Variants in ASTN2 observed in about 807,000 individuals in gnomAD.
ASTN2 encodes astrotactin-2.
Under a neutral mutation model 139.8 loss-of-function variants are expected in ASTN2, and 54 were observed. The observed-to-expected ratio is 0.39, with a 90% confidence interval of 0.31 to 0.48. The LOEUF (loss-of-function observed/expected upper bound fraction) is 0.48, where lower values mean the gene tolerates loss of function less well. Among genes scored for constraint, ASTN2 ranks in the 20% least tolerant of loss-of-function variants. ASTN2 has a pLI of 0.95. For synonymous variants in ASTN2, 756 were observed against 719.5 expected, an observed-to-expected ratio of 1.05 and a Z score of -0.81; for missense variants, 1,565 against 1,725.1, an observed-to-expected ratio of 0.91 and a Z score of 1.64.
At chr9:116,555,319 C>G (rs1184296998) in intron 19 of ASTN2, among the ~76,000 whole-genome samples, 1 of 152,186 alleles carries the variant, frequency 6.6e-6, no homozygotes, top group Non-Finnish European at 1.5e-5. Flanking sequence ...ACAAGGCCAG[C>G]TGCACAGGCT....
chr9:116,803,522 A>T (rs10817937), intron 13 of ASTN2, among the ~76,000 whole-genome samples: 1,776 of 20,290 alleles, frequency 0.088, 58 homozygotes, highest in Middle Eastern at 0.13. Flanking sequence ...ATATATATAT[A>T]TTTTTTTTTT....
At chr9:116,948,785 G>GTTTTTTTTTTTGTTTTTTTTTTTTTTTTT (rs1835471236) in intron 10 of ASTN2, among the ~76,000 whole-genome samples, 2 of 49,470 alleles carry the variant, frequency 4.0e-5, no homozygotes, top group African/African-American at 8.6e-5. Flanking sequence ...ATAATTTGGT[G>GTTTTTTTTTTTGTTTTTTTTTTTTTTTTT]TTTTTTTTTT....
chr9:117,386,003 G>A (rs1830389011), intron 1 of ASTN2, among the ~76,000 whole-genome samples: 1 of 152,138 alleles, frequency 6.6e-6, no homozygotes, highest in Non-Finnish European at 1.5e-5. Context: ...TACCTTGCCA[G>A]GAAGGCCCAG....
At chr9:117,393,063 T>C (rs993542816) in intron 1 of ASTN2, among the ~76,000 whole-genome samples, 1 of 152,228 alleles carries the variant, frequency 6.6e-6, no homozygotes, top group African/African-American at 2.4e-5. Context: ...GTCAGGAATG[T>C]GGAGGTTCTG....
intron 16 of ASTN2, among the ~76,000 whole-genome samples, chr9:116,654,953 C>G (rs1194927689): frequency 1.3e-5 from 2 of 152,174 alleles, no homozygotes; most frequent in African/African-American, 2.4e-5. Context: ...AAATCTTCAG[C>G]TTTTTAAATC....
Position 116,975,217 on chromosome 9 carries a change from G to C in ASTN2, c.1880C>G (p.Ala627Gly). ...GGAGATGATTCCCTACCTGACATCT[G>C]CAGGGTCTTCCGTGACGAGCACATC... ...KTDVLVTEDP[A>G]DVREEAMLST... The change falls in exon 10 of 23, where the codon GCA becomes GGA. Residue 627 changes from alanine (A) to glycine (G), a missense_variant. Ala to Gly is a moderately conservative substitution (Grantham distance 60). This residue lies in a region of ASTN2 where 503 missense variants were observed against 591.7 expected (regional missense o/e 0.85). Coordinates refer to ENST00000313400, the MANE Select transcript of ASTN2 (RefSeq NM_001365068.1). The C allele has an allele frequency of 6.2e-7, 1 of 1,610,634 alleles. No homozygotes were observed. The highest frequency in any genetic ancestry group is 8.5e-7 in the Non-Finnish European group (1 of 1,178,356).
chr9:117,025,907 T>C (rs1178472357), intron 6 of ASTN2, among the ~76,000 whole-genome samples: 2 of 150,978 alleles, frequency 1.3e-5, no homozygotes, highest in African/African-American at 4.9e-5. Flanking sequence ...TTCTCCTGCC[T>C]CAGCCTCCTG....
intron 5 of ASTN2, among the ~76,000 whole-genome samples, chr9:117,076,410 G>T (rs189364806): frequency 6.6e-6 from 1 of 151,960 alleles, no homozygotes; most frequent in Non-Finnish European, 1.5e-5. Flanking sequence ...GAGAAAAAGA[G>T]GGGGGGATAG....
At chr9:116,964,909 T>G (rs944320) in intron 10 of ASTN2, among the ~76,000 whole-genome samples, 90 of 152,350 alleles carry the variant, frequency 5.9e-4, no homozygotes, top group African/African-American at 2.0e-3. Context: ...TCATCCTCAG[T>G]ATCTCCATTC....
At chr9:117,386,444 A>G (rs1830402628) in intron 1 of ASTN2, among the ~76,000 whole-genome samples, 1 of 152,180 alleles carries the variant, frequency 6.6e-6, no homozygotes, top group Non-Finnish European at 1.5e-5. Flanking sequence ...ACCTAGGAAC[A>G]TGGTGCTCTT....
chr9:117,046,886 C>G (rs1475637031), intron 5 of ASTN2, among the ~76,000 whole-genome samples: 2 of 152,106 alleles, frequency 1.3e-5, no homozygotes, highest in Non-Finnish European at 1.5e-5. Context: ...CAACAGATGT[C>G]AGTATTGGAA....
intron 3 of ASTN2, among the ~76,000 whole-genome samples, chr9:117,191,585 T>C (rs1166728571): frequency 1.3e-5 from 2 of 152,196 alleles, no homozygotes; most frequent in Non-Finnish European, 2.9e-5. Context: ...GATAAAGATA[T>C]CAAATCCAGA....
chr9:117,051,889 G>A (rs1205137312), intron 5 of ASTN2, among the ~76,000 whole-genome samples: 1 of 152,062 alleles, frequency 6.6e-6, no homozygotes, highest in Non-Finnish European at 1.5e-5. Context: ...TGCTGTTTTT[G>A]TTGTTTCCTA....
At chr9:117,095,124 G>A (rs1039129663) in intron 5 of ASTN2, among the ~76,000 whole-genome samples, 3 of 152,166 alleles carry the variant, frequency 2.0e-5, no homozygotes, top group African/African-American at 7.2e-5. Context: ...CTTGTCACAG[G>A]ACCTTCTTTT....
chr9:116,544,730 G>C (rs2119370007), intron 19 of ASTN2, among the ~76,000 whole-genome samples: 1 of 152,256 alleles, frequency 6.6e-6, no homozygotes, highest in African/African-American at 2.4e-5. Context: ...GGCGCTAGGG[G>C]CCAGGCCTCT....
chr9:116,861,731 G>A (rs929407920), intron 11 of ASTN2, among the ~76,000 whole-genome samples: 2 of 152,192 alleles, frequency 1.3e-5, no homozygotes, highest in South Asian at 2.1e-4. Flanking sequence ...TTGGTGCAGG[G>A]ATAAATGGGC....
At chr9:117,229,443 T>TCC (rs1832821360) in intron 2 of ASTN2, among the ~76,000 whole-genome samples, 1 of 152,164 alleles carries the variant, frequency 6.6e-6, no homozygotes, top group African/African-American at 2.4e-5. Flanking sequence ...CTGGGCAGTC[T>TCC]CCTTAACTGA....
chr9:117,405,342 C>T (rs1338987142), intron 1 of ASTN2, among the ~76,000 whole-genome samples: 1 of 152,176 alleles, frequency 6.6e-6, no homozygotes, highest in African/African-American at 2.4e-5. Context: ...TGGGTAGGTT[C>T]CTTCACTCCT....
At chr9:116,986,170 A>AC (rs1836676276) in intron 7 of ASTN2, among the ~76,000 whole-genome samples, 1 of 70,538 alleles carries the variant, frequency 1.4e-5, no homozygotes. Context: ...GCCCCCCCCC[A>AC]CCCCCCTGCA....
Sources: gnomAD v4.1 joint callset for allele counts (sites outside exome capture counted in the v4.1 genomes callset) on GRCh38, gnomAD v4.1.1 for gene constraint, gnomAD v4.1.1 regional missense constraint, MANE v1.5 for transcripts, NCBI Gene and HGNC (gene_info 2026-07-23, HGNC 2026-07-21) for gene names.